The following CNTN5 variants were observed in gnomAD, a reference collection of about 807,000 sequenced individuals.
The protein encoded by CNTN5 is contactin-5.
A neutral mutation model predicts 129.1 loss-of-function variants in CNTN5; 77 were observed. The ratio of observed to expected loss-of-function variants is 0.60; its 90% CI spans 0.50 to 0.72. The LOEUF is 0.72. CNTN5 is among the 30% of genes least tolerant of loss of function. The probability of loss-of-function intolerance (pLI) is 0.00; values close to 1 mark genes in which losing one functional copy is unlikely to be tolerated. For missense variants in CNTN5, 1,478 were observed against 1,328.8 expected, an observed-to-expected ratio of 1.11 and a Z score of -1.75; for synonymous variants, 509 against 465.6, an observed-to-expected ratio of 1.09 and a Z score of -1.20.
chr11:99,943,314 G>T (rs1179850627), intron 7 of CNTN5, among the ~76,000 whole-genome samples: 1 of 151,934 alleles, frequency 6.6e-6, no homozygotes, highest in Non-Finnish European at 1.5e-5. Flanking sequence ...TCATATGTTT[G>T]TTGGCCGCAT....
intron 8 of CNTN5, among the ~76,000 whole-genome samples, chr11:99,959,674 AT>A: frequency 6.6e-6 from 1 of 152,156 alleles, no homozygotes; most frequent in East Asian, 1.9e-4. Flanking sequence ...AAACGTCTAT[AT>A]TTTCAAAAAG....
At chr11:99,913,473 T>TA (rs991766925) in intron 6 of CNTN5, among the ~76,000 whole-genome samples, 4 of 152,030 alleles carry the variant, frequency 2.6e-5, no homozygotes, top group African/African-American at 9.6e-5. Flanking sequence ...ACTCACAATA[T>TA]AAAAAAATCT....
At chr11:99,154,992 G>C (rs935479964) in intron 1 of CNTN5, among the ~76,000 whole-genome samples, 1 of 152,146 alleles carries the variant, frequency 6.6e-6, no homozygotes, top group South Asian at 2.1e-4. Context: ...CTGGAGTTCT[G>C]ATTCTGCTAC....
In CNTN5 at chr11:100,196,004, G is replaced by A. The variant is rs184415532; in HGVS notation, c.1884+2341G>A. Among the ~76,000 whole-genome samples the A allele has an allele frequency of 9.5e-4, 145 of 152,074 alleles. 3 individuals carry two copies. Among genetic ancestry groups the A allele is most frequent in the African/African-American group, 3.2e-3 (132 of 41,528 alleles). ...CTGTGAGACCAAGGACAGACTGTGG[G>A]AGTCAGAGGGACAGGATGGGGCTGA... On this transcript the variant is annotated intron_variant, in intron 15 of 24. Coordinates refer to ENST00000524871, the MANE Select transcript of CNTN5 (RefSeq NM_014361.4).
In CNTN5 at chr11:99,137,693, G is replaced by T. The variant is rs17133153; in HGVS notation, c.-210+116423G>T. ...ATTTCCAGAAATAGTTTCACCTTAA[G>T]ACACCCTCACCTGACATTTAAAAGC... is the stretch of plus-strand genomic sequence containing the variant. On this transcript the variant is annotated intron_variant, in intron 1 of 24. Coordinates refer to ENST00000524871, the MANE Select transcript of CNTN5 (RefSeq NM_014361.4). Among the ~76,000 whole-genome samples the T allele has an allele frequency of 4.7e-3, 711 of 152,208 alleles. 6 individuals are homozygous for T. The highest frequency in any genetic ancestry group is 0.016 in the African/African-American group (666 of 41,534).
chr11:99,645,259 CAACAAAAAAAAAAAAAAA>C lies in CNTN5; in HGVS notation c.55+88993_55+89010del, dbSNP rs1181106751. Among the ~76,000 whole-genome samples the C allele has an allele frequency of 5.2e-3, 350 of 67,934 alleles. 2 individuals carry two copies. The highest frequency in any genetic ancestry group is 0.021 in the African/African-American group (329 of 15,856). The allele number at this position is 67,934 out of a possible 152,430, so 44.6% of individuals were successfully genotyped here. A position where few individuals can be genotyped will look rare whatever the true frequency, so the allele number is the denominator to read the frequency against. The stretch of plus-strand genomic sequence containing the variant: ...TGGGCAACAGAGCGAGGCTCCATCT[CAACAAAAAAAAAAAAAAA>C]AAAAAAAAAAGATTGAGAAAAAGCC... On this transcript the variant is annotated intron_variant, in intron 3 of 24. Transcript: ENST00000524871.
At chr11:99,801,246 C>T (rs1027775218) in intron 3 of CNTN5, among the ~76,000 whole-genome samples, 1 of 152,118 alleles carries the variant, frequency 6.6e-6, no homozygotes, top group African/African-American at 2.4e-5. Flanking sequence ...TTTAAGAATG[C>T]TGAAAATAGG....
intron 3 of CNTN5, among the ~76,000 whole-genome samples, chr11:99,662,822 G>C (rs1046986491): frequency 6.6e-6 from 1 of 152,150 alleles, no homozygotes; most frequent in African/African-American, 2.4e-5. Flanking sequence ...GCCATCCAGA[G>C]CAACTGATTT....
At chr11:99,049,074 C>T (rs1018938129) in intron 1 of CNTN5, among the ~76,000 whole-genome samples, 1 of 152,240 alleles carries the variant, frequency 6.6e-6, no homozygotes, top group East Asian at 1.9e-4. Flanking sequence ...CATGCCTGTT[C>T]TAAGTAGTAA....
At chr11:99,171,843 A>T (rs1861163417) in intron 1 of CNTN5, among the ~76,000 whole-genome samples, 1 of 152,130 alleles carries the variant, frequency 6.6e-6, no homozygotes, top group Non-Finnish European at 1.5e-5. Context: ...TTTCAGTTAC[A>T]GTAGCATTTT....
chr11:99,923,044 C>T, intron 7 of CNTN5, among the ~76,000 whole-genome samples: 1 of 152,158 alleles, frequency 6.6e-6, no homozygotes, highest in East Asian at 1.9e-4. Context: ...GTTTACACAT[C>T]AGAGAATATT....
Position 99,794,056 on chromosome 11 carries a change from C to T in CNTN5, c.56-25488C>T, listed in dbSNP as rs190319869. ...TTATTATGTGGTTATCTGCATCTCT[C>T]CATAGGTCTCTAAGAGCTTGCTTTT... On this transcript the variant is annotated intron_variant, in intron 3 of 24. Transcript: ENST00000524871. Among the ~76,000 whole-genome samples the T allele has an allele frequency of 4.8e-3, 730 of 152,206 alleles. 9 individuals carry two copies. Among genetic ancestry groups the T allele is most frequent in the African/African-American group, 0.014 (586 of 41,540 alleles).
intron 3 of CNTN5, among the ~76,000 whole-genome samples, chr11:99,787,127 T>C (rs1264350912): frequency 1.3e-5 from 2 of 150,844 alleles, no homozygotes; most frequent in East Asian, 1.9e-4. Context: ...TTTATTATTA[T>C]TATTATACTT....
At position 100,345,577 on chromosome 11, in the gene CNTN5, T is replaced by TAA. The variant is rs5794052; in HGVS notation, c.3030+4383_3030+4384dup. On this transcript the variant is annotated intron_variant, in intron 23 of 24. Transcript: ENST00000524871. ...TAACAGAAATTTTGCTAACAGATATTAAAAAAAAAAAAGAGGTTTCCCTAT... is the reference window on the plus strand; with the variant it reads ...TAACAGAAATTTTGCTAACAGATATTAAAAAAAAAAAAAAGAGGTTTCCCTAT... Among the ~76,000 whole-genome samples the TAA allele has an allele frequency of 6.0e-3, 881 of 146,698 alleles. 14 individuals carry two copies. The highest frequency in any genetic ancestry group is 0.02 in the African/African-American group (784 of 40,032).
intron 1 of CNTN5, among the ~76,000 whole-genome samples, chr11:99,116,457 G>A (rs1481752724): frequency 6.6e-6 from 1 of 152,012 alleles, no homozygotes; most frequent in African/African-American, 2.4e-5. Context: ...GTGCTTCGTG[G>A]TATAGCTGAC....
At chr11:99,736,074 C>A (rs1299517401) in intron 3 of CNTN5, among the ~76,000 whole-genome samples, 3 of 150,048 alleles carry the variant, frequency 2.0e-5, no homozygotes, top group Non-Finnish European at 4.4e-5. Context: ...CTTTCTTTTT[C>A]ATATTTAAGT....
intron 1 of CNTN5, among the ~76,000 whole-genome samples, chr11:99,035,528 C>T (rs911543571): frequency 6.7e-6 from 1 of 148,984 alleles, no homozygotes; most frequent in Non-Finnish European, 1.5e-5. Flanking sequence ...TATGTAATGG[C>T]CTTCTTTGTC....
intron 1 of CNTN5, among the ~76,000 whole-genome samples, chr11:99,184,051 G>T (rs1360823040): frequency 2.0e-5 from 3 of 151,902 alleles, no homozygotes; most frequent in African/African-American, 7.3e-5. Flanking sequence ...CTCCACTCTG[G>T]CTGTCATTAT....
chr11:99,835,512 G>T lies in CNTN5; in HGVS notation c.278-9340G>T, dbSNP rs565158407. ...CAGTCAAAGAGCTGACATAATGTCA[G>T]ACTCTTAATTACATGAGTCTATAGT... On this transcript the variant is annotated intron_variant, in intron 4 of 24. Transcript: ENST00000524871. Among the ~76,000 whole-genome samples, 80 of 152,216 alleles carry T rather than the reference G, an allele frequency of 5.3e-4. No homozygotes were observed. In the South Asian group the frequency reaches 8.9e-3, roughly 17 times the overall value.
Sources: gnomAD v4.1 joint callset for allele counts (sites outside exome capture counted in the v4.1 genomes callset) on GRCh38, gnomAD v4.1.1 for gene constraint, MANE v1.5 for transcripts, NCBI Gene and HGNC (gene_info 2026-07-23, HGNC 2026-07-21) for gene names.